The following ABLIM1 variants were observed in gnomAD, a reference collection of about 807,000 sequenced individuals.
ABLIM1 encodes actin-binding LIM protein 1.
Under a neutral mutation model 107.0 loss-of-function variants are expected in ABLIM1, and 40 were observed. The observed-to-expected ratio is 0.37, with a 90% CI of 0.29 to 0.49. The LOEUF (loss-of-function observed/expected upper bound fraction) is 0.49. Ranked by LOEUF, ABLIM1 falls within the 20% of genes least tolerant of loss-of-function variation. The probability of loss-of-function intolerance (pLI) is 0.97; values close to 1 mark genes in which losing one functional copy is unlikely to be tolerated. For missense variants in ABLIM1, 857 were observed against 1,008.5 expected (o/e 0.85, Z 2.04); for synonymous variants, 357 against 357.3 (o/e 1.00, Z 0.01).
chr10:114,625,085 C>G (rs1337611017), intron 1 of ABLIM1, among the ~76,000 whole-genome samples: 2 of 152,104 alleles, frequency 1.3e-5, no homozygotes, highest in African/African-American at 4.8e-5. Flanking sequence ...TCCCTTTAGA[C>G]CTTACTTAGG....
In ABLIM1 at chr10:114,609,616, CTGAGT is replaced by C. The variant is rs199954185; in HGVS notation, c.245-7660_245-7656del. On this transcript the variant is annotated intron_variant, in intron 1 of 22. Transcript: ENST00000533213. ...ATATTGATTTCAAATATCAAATAGC[CTGAGT>C]TGTCATCTCTATACTTCTCAGTTCA... is the stretch of plus-strand genomic sequence containing the variant. Among the ~76,000 whole-genome samples, 51 of 152,316 alleles carry C rather than the reference CTGAGT, an allele frequency of 3.3e-4. 1 individual carries two copies. In the East Asian group the frequency reaches 8.5e-3, roughly 25 times the overall value.
At position 114,451,527 on chromosome 10, in the gene ABLIM1, T is replaced by C. The variant is rs558197957; in HGVS notation, c.1594+97A>G. On this transcript the variant is annotated intron_variant, in intron 14 of 22. Coordinates refer to ENST00000533213, the MANE Select transcript of ABLIM1 (RefSeq NM_002313.7). ...TATGCTGGATGCCCCAGTTTTACTCTCAAAAGCAGCAGCAGGAAAAGCCTT... is the reference window on the plus strand; with the variant it reads ...TATGCTGGATGCCCCAGTTTTACTCCCAAAAGCAGCAGCAGGAAAAGCCTT... 1.4e-5 allele frequency: 16 copies of C among 1,178,638 alleles called. No individual in the cohort carries two copies. In the Admixed American group the frequency reaches 2.0e-4, roughly 15 times the overall value. 73.0% of individuals were successfully genotyped at this position (1,178,638 alleles called of 1,614,324 possible).
chr10:114,716,011 G>T (rs1236878240), intron 1 of ABLIM1, among the ~76,000 whole-genome samples: 1 of 152,144 alleles, frequency 6.6e-6, no homozygotes, highest in Non-Finnish European at 1.5e-5. Context: ...GATCCAGGTC[G>T]CAGAAATTCT....
chr10:114,754,929 G>T (rs1423993779), intron 1 of ABLIM1, among the ~76,000 whole-genome samples: 2 of 152,140 alleles, frequency 1.3e-5, no homozygotes, highest in Non-Finnish European at 2.9e-5. Flanking sequence ...TGGTAAAGGT[G>T]TGACAGTGTC....
chr10:114,698,222 A>G (rs2081235284), intron 1 of ABLIM1, among the ~76,000 whole-genome samples: 1 of 152,108 alleles, frequency 6.6e-6, no homozygotes, highest in Non-Finnish European at 1.5e-5. Flanking sequence ...AAGGCATTTG[A>G]GAACAAACTG....
intron 6 of ABLIM1, among the ~76,000 whole-genome samples, chr10:114,509,806 A>G (rs1042923335): frequency 9.9e-5 from 15 of 152,186 alleles, no homozygotes; most frequent in African/African-American, 3.6e-4. Context: ...CACACTGCCA[A>G]TAAAGACATA....
chr10:114,526,170 T>C (rs1175170395), intron 6 of ABLIM1, among the ~76,000 whole-genome samples: 3 of 151,920 alleles, frequency 2.0e-5, no homozygotes, highest in African/African-American at 7.3e-5. Context: ...GAAAAAAAAA[T>C]CTCATAATTT....
At chr10:114,526,509 T>C (rs2064771270) in intron 6 of ABLIM1, 1 of 392,544 alleles carries the variant, frequency 2.5e-6, no homozygotes, top group Non-Finnish European at 3.5e-6. Flanking sequence ...TAAATGTATG[T>C]CAGGGCAATA....
the ABLIM1 span, among the ~76,000 whole-genome samples, chr10:114,780,254 G>C: frequency 6.6e-6 from 1 of 152,212 alleles, no homozygotes; most frequent in Non-Finnish European, 1.5e-5. Context: ...TGGCAGGCAA[G>C]AGGAAGGTGA....
intron 12 of ABLIM1, among the ~76,000 whole-genome samples, chr10:114,458,202 A>G (rs2063196386): frequency 6.6e-6 from 1 of 151,886 alleles, no homozygotes. Context: ...GGGCTACCCT[A>G]AGTTGTTAGT....
At chr10:114,484,564 G>A (rs1044779472) in intron 8 of ABLIM1, among the ~76,000 whole-genome samples, 2 of 151,288 alleles carry the variant, frequency 1.3e-5, no homozygotes, top group Admixed American at 6.6e-5. Flanking sequence ...TATATTTTTA[G>A]TGGAGACGGG....
chr10:114,665,819 A>C (rs2080004177), intron 1 of ABLIM1, among the ~76,000 whole-genome samples: 1 of 152,192 alleles, frequency 6.6e-6, no homozygotes, highest in Non-Finnish European at 1.5e-5. Flanking sequence ...GAGACCCGGG[A>C]GAGTACTGCT....
chr10:114,651,049 G>A (rs1468065136), intron 1 of ABLIM1, among the ~76,000 whole-genome samples: 1 of 152,140 alleles, frequency 6.6e-6, no homozygotes, highest in Non-Finnish European at 1.5e-5. Flanking sequence ...CTTTGAACTT[G>A]GCAGCGAGGT....
At chr10:114,721,984 G>A (rs2081858721) in intron 1 of ABLIM1, among the ~76,000 whole-genome samples, 1 of 152,076 alleles carries the variant, frequency 6.6e-6, no homozygotes, top group South Asian at 2.1e-4. Context: ...GCATGTATGT[G>A]TGTTTGCATG....
At chr10:114,517,975 T>G (rs2063149447) in intron 6 of ABLIM1, among the ~76,000 whole-genome samples, 1 of 152,190 alleles carries the variant, frequency 6.6e-6, no homozygotes. Context: ...CATACTTTTT[T>G]TTTTTGGTAT....
Position 114,451,643 on chromosome 10 carries a change from T to C in ABLIM1, c.1575A>G (p.Pro525=). The C allele has an allele frequency of 6.2e-7, 1 of 1,613,504 alleles. No homozygotes were observed. The highest frequency in any genetic ancestry group is 8.5e-7 in the Non-Finnish European group (1 of 1,179,702). The part of the protein sequence containing the change: ...PDQGINIYRK[P]PIYKQHAALA... ...TTTTACCATGCTGTTTGTAGATGGG[T>C]GGCTTTCGGTAAATGTTGATTCCTT... Residue 525 remains proline (P), a synonymous_variant, in exon 14 of 23, where the codon CCA becomes CCG. Coordinates refer to ENST00000533213, the MANE Select transcript of ABLIM1 (RefSeq NM_002313.7).
At chr10:114,657,892 G>T in intron 1 of ABLIM1, 65 bp downstream of exon 1, 1 of 1,322,008 alleles carries the variant, frequency 7.6e-7, no homozygotes, top group Non-Finnish European at 1.1e-6. Flanking sequence ...GATCTGGATA[G>T]TACTCTCTTA....
chr10:114,624,631 T>A (rs2077673412), intron 1 of ABLIM1, among the ~76,000 whole-genome samples: 1 of 152,186 alleles, frequency 6.6e-6, no homozygotes, highest in Non-Finnish European at 1.5e-5. Context: ...AAAATTGCCC[T>A]CAAGAGCCTT....
intron 15 of ABLIM1, 60 bp downstream of exon 15, chr10:114,447,820 A>G: frequency 6.3e-7 from 1 of 1,590,920 alleles, no homozygotes; most frequent in Non-Finnish European, 8.6e-7. Context: ...GTTTTTAAGC[A>G]TGTCATCTTG....
Sources: gnomAD v4.1 joint callset for allele counts (sites outside exome capture counted in the v4.1 genomes callset) on GRCh38, gnomAD v4.1.1 for gene constraint, MANE v1.5 for transcripts, NCBI Gene and HGNC (gene_info 2026-07-23, HGNC 2026-07-21) for gene names.